Variants in SLC35D1 observed in about 807,000 individuals in gnomAD.
SLC35D1 encodes nucleotide sugar transporter SLC35D1.
Under a neutral mutation model 46.7 loss-of-function variants are expected in SLC35D1, and 31 were observed. The ratio of observed to expected loss-of-function variants is 0.66; its 90% CI spans 0.50 to 0.90. The LOEUF (loss-of-function observed/expected upper bound fraction) is 0.90, where lower values mean the gene tolerates loss of function less well. SLC35D1 is among the 40% of genes least tolerant of loss of function. The probability of loss-of-function intolerance (pLI) is 0.00; values close to 1 mark genes in which losing one functional copy is unlikely to be tolerated. For missense variants in SLC35D1, 397 were observed against 426.2 expected (o/e 0.93, Z 0.60); for synonymous variants, 195 against 164.6 (o/e 1.18, Z -1.41).
At chr1:67,039,599 G>T (rs982190237) in intron 8 of SLC35D1, among the ~76,000 whole-genome samples, 1 of 151,832 alleles carries the variant, frequency 6.6e-6, no homozygotes, top group African/African-American at 2.4e-5. Flanking sequence ...TTTGCACTGT[G>T]CTTTTTCATT....
At chr1:67,017,693 A>G (rs1257487999) in intron 10 of SLC35D1, among the ~76,000 whole-genome samples, 1 of 152,168 alleles carries the variant, frequency 6.6e-6, no homozygotes, top group East Asian at 1.9e-4. Flanking sequence ...CCAGACATTA[A>G]CCTTGGTTTT....
At position 67,003,872 on chromosome 1, in the gene SLC35D1, A is replaced by C. The variant is rs1667391571; in HGVS notation, c.*468T>G. 2.9e-5 allele frequency: 6 copies of C among 206,978 alleles called. No homozygotes were observed. In the South Asian group the frequency reaches 5.0e-4, roughly 17 times the overall value. 12.8% of individuals were successfully genotyped at this position (206,978 alleles called of 1,614,324 possible). On this transcript the variant is annotated 3_prime_UTR_variant, in exon 12 of 12. Transcript: ENST00000235345. ...ATGATATGATGAAGACAATGCAATC[A>C]TAAGAAATAAGATTCAAAGAAGAGA...
intron 7 of SLC35D1, 59 bp from the exon 8 acceptor site, chr1:67,042,387 G>A (rs568218636): frequency 2.2e-6 from 3 of 1,376,580 alleles, no homozygotes; most frequent in Admixed American, 3.5e-5. Context: ...ATACAACACT[G>A]TACAAAATAC....
intron 9 of SLC35D1, among the ~76,000 whole-genome samples, chr1:67,020,925 ACT>A (rs1196880102): frequency 1.3e-5 from 2 of 152,190 alleles, no homozygotes; most frequent in East Asian, 1.9e-4. Flanking sequence ...AGCAGTTGGA[ACT>A]CTCTGATTTA....
intron 11 of SLC35D1, among the ~76,000 whole-genome samples, chr1:67,005,860 C>T (rs1667436877): frequency 6.6e-6 from 1 of 152,154 alleles, no homozygotes. Context: ...TTGTTAATTT[C>T]CCACGGCCTT....
chr1:66,982,863 A>G, the SLC35D1 span, among the ~76,000 whole-genome samples: 1 of 152,228 alleles, frequency 6.6e-6, no homozygotes, highest in African/African-American at 2.4e-5. Flanking sequence ...CTGGTCCAAG[A>G]AGGTTTATTG....
At chr1:67,053,710 C>G (rs1402488721) in intron 1 of SLC35D1, 101 bp downstream of exon 1, 6 of 1,160,342 alleles carry the variant, frequency 5.2e-6, no homozygotes, top group Non-Finnish European at 5.6e-6. Context: ...CAACTTTGTT[C>G]GGCTTTAACT....
At chr1:67,035,850 T>C (rs1480367874) in intron 8 of SLC35D1, among the ~76,000 whole-genome samples, 1 of 150,366 alleles carries the variant, frequency 6.7e-6, no homozygotes, top group Non-Finnish European at 1.5e-5. Context: ...TGTAAACTTA[T>C]CCTCTCAGTA....
In SLC35D1 at chr1:67,016,595, T is replaced by C. The variant is rs1051869610; in HGVS notation, c.876+3774A>G. ...TCAAAAAAAATGCTGTGTTTTCCAG[T>C]CAAAAAACTTTTTTTTCTTCTAAAC... On this transcript the variant is annotated intron_variant, in intron 10 of 11. Transcript: ENST00000235345. Among the ~76,000 whole-genome samples the C allele has an allele frequency of 8.5e-5, 13 of 152,246 alleles. No individual in the cohort carries two copies. In the East Asian group the frequency reaches 2.5e-3, roughly 29 times the overall value.
chr1:67,008,508 A>G (rs1182451327), intron 11 of SLC35D1: 4 of 1,253,034 alleles, frequency 3.2e-6, no homozygotes, highest in Non-Finnish European at 3.1e-6. Flanking sequence ...CCTTGTTAGA[A>G]TACTGCAAAT....
Position 67,009,088 on chromosome 1 carries a change from A to G in SLC35D1, c.956T>C (p.Ile319Thr). 1 of 1,445,108 alleles carries G rather than the reference A, an allele frequency of 6.9e-7. No homozygotes were observed. The highest frequency in any genetic ancestry group is 1.7e-5 in the Admixed American group (1 of 59,422). 89.5% of individuals were successfully genotyped at this position (1,445,108 alleles called of 1,614,324 possible). The change falls in exon 11 of 12, where the codon ATC (isoleucine) becomes ACC (threonine). Residue 319 changes from isoleucine (I) to threonine (T), a missense_variant. Ile to Thr is a moderately conservative substitution (Grantham distance 89). Transcript: ENST00000235345. ...FTWTNFIGLN[I>T]SIAGSLVYSY... ...TTAATTAAATATTTTTACTTACCTG[A>G]TATTTAAACCAATGAAGTTTGTCCA...
chr1:67,043,393 T>C (rs1418546704), intron 7 of SLC35D1, among the ~76,000 whole-genome samples: 1 of 151,528 alleles, frequency 6.6e-6, no homozygotes, highest in African/African-American at 2.4e-5. Flanking sequence ...AAAAAAAAAT[T>C]AGCCAGGAAT....
chr1:66,983,312 T>C, the SLC35D1 span, among the ~76,000 whole-genome samples: 1 of 152,234 alleles, frequency 6.6e-6, no homozygotes, highest in African/African-American at 2.4e-5. Context: ...TTCTCTTCAA[T>C]ATATTATGAT....
the SLC35D1 span, among the ~76,000 whole-genome samples, chr1:66,988,906 G>A: frequency 1.3e-5 from 2 of 152,110 alleles, no homozygotes; most frequent in Non-Finnish European, 2.9e-5. Context: ...AAGTGTTAAT[G>A]GTAGAAAAGT....
the SLC35D1 span, chr1:66,985,814 A>ATTTTTT: frequency 6.4e-6 from 4 of 629,864 alleles, no homozygotes; most frequent in Non-Finnish European, 7.7e-6. Flanking sequence ...GGATTATAAA[A>ATTTTTT]TTTTTTTTTT....
the SLC35D1 span, chr1:66,981,872 C>G: frequency 6.2e-7 from 1 of 1,613,968 alleles, no homozygotes; most frequent in South Asian, 1.1e-5. Context: ...GTAGTAACAG[C>G]CAGTCTGAGA....
At chr1:66,990,898 C>G in the SLC35D1 span, among the ~76,000 whole-genome samples, 1 of 152,156 alleles carries the variant, frequency 6.6e-6, no homozygotes, top group Non-Finnish European at 1.5e-5. Context: ...GTTTTCCTCA[C>G]CATCATACAC....
At chr1:66,984,706 G>C in the SLC35D1 span, 47 of 1,613,924 alleles carry the variant, frequency 2.9e-5, 1 homozygote, top group East Asian at 5.8e-4. Context: ...TTATGAAACA[G>C]ATAACCTTAC....
chr1:66,980,372 A>G, the SLC35D1 span, among the ~76,000 whole-genome samples: 1 of 152,220 alleles, frequency 6.6e-6, no homozygotes, highest in Non-Finnish European at 1.5e-5. Context: ...TGTAAATTGC[A>G]TAGGTCATGG....
Sources: gnomAD v4.1 joint callset for allele counts (sites outside exome capture counted in the v4.1 genomes callset) on GRCh38, gnomAD v4.1.1 for gene constraint, MANE v1.5 for transcripts, NCBI Gene and HGNC (gene_info 2026-07-23, HGNC 2026-07-21) for gene names.